The following KDM7A variants were observed in gnomAD, a reference collection of about 807,000 sequenced individuals.
KDM7A encodes lysine-specific demethylase 7A.
Under a neutral mutation model 114.8 loss-of-function variants are expected in KDM7A, and 28 were observed. The ratio of observed to expected loss-of-function variants is 0.24; its 90% CI spans 0.18 to 0.33. The LOEUF (loss-of-function observed/expected upper bound fraction) is 0.33, where lower values mean the gene tolerates loss of function less well. Among genes scored for constraint, KDM7A ranks in the 10% least tolerant of loss-of-function variants. The pLI, the probability that KDM7A is intolerant of heterozygous loss-of-function variation, is 1.00. For missense variants in KDM7A, 942 were observed against 1,142.5 expected (o/e 0.82, Z 2.53); for synonymous variants, 423 against 397.8 (o/e 1.06, Z -0.75).
intron 11 of KDM7A, among the ~76,000 whole-genome samples, chr7:140,103,464 C>CGA (rs1229722476): frequency 1.3e-5 from 2 of 151,754 alleles, no homozygotes; most frequent in Non-Finnish European, 2.9e-5. Context: ...CCTCCCCCCC[C>CGA]CTCCAACCCA....
At chr7:140,116,167 T>C (rs192034579) in intron 9 of KDM7A, among the ~76,000 whole-genome samples, 6 of 152,318 alleles carry the variant, frequency 3.9e-5, no homozygotes, top group Non-Finnish European at 7.4e-5. Context: ...ATTCTTGTAC[T>C]AGGTGACAAA....
intron 17 of KDM7A, among the ~76,000 whole-genome samples, chr7:140,095,296 G>T (rs1818087548): frequency 6.6e-6 from 1 of 152,146 alleles, no homozygotes; most frequent in African/African-American, 2.4e-5. Context: ...TCTTTCAAGG[G>T]ACTAAAGGAA....
chr7:140,163,352 A>T (rs2116851970), intron 1 of KDM7A, among the ~76,000 whole-genome samples: 1 of 151,682 alleles, frequency 6.6e-6, no homozygotes, highest in Non-Finnish European at 1.5e-5. Context: ...CAGTGGCAAG[A>T]TCACACAATC....
In KDM7A at chr7:140,170,700, C is replaced by T. The variant is rs1487244781; in HGVS notation, c.194+6044G>A. On this transcript the variant is annotated intron_variant, in intron 1 of 19. Coordinates refer to ENST00000397560, the MANE Select transcript of KDM7A (RefSeq NM_030647.2). ...AGTGCCTAGCACTTTGTAAAACATT[C>T]GATAAGTGAGATTCGATATTTATCT... Among the ~76,000 whole-genome samples the T allele has an allele frequency of 5.9e-5, 9 of 152,172 alleles. 1 individual carries two copies. The South Asian group carries it at 1.4e-3, about 25-fold the overall frequency.
At chr7:140,128,960 A>T (rs1818748108) in intron 4 of KDM7A, among the ~76,000 whole-genome samples, 1 of 152,218 alleles carries the variant, frequency 6.6e-6, no homozygotes, top group South Asian at 2.1e-4. Flanking sequence ...GAATTTTCAA[A>T]ATCAAAAATT....
chr7:140,107,124 G>A (rs1381240176), intron 11 of KDM7A, among the ~76,000 whole-genome samples: 1 of 152,026 alleles, frequency 6.6e-6, no homozygotes, highest in Admixed American at 6.6e-5. Flanking sequence ...CCACTTGCTT[G>A]GTAGATCTTC....
In KDM7A at chr7:140,088,140, G is replaced by C. The variant is rs1817962169; in HGVS notation, c.*2954C>G. On this transcript the variant is annotated 3_prime_UTR_variant, in exon 20 of 20. Transcript: ENST00000397560. ...TGATAAAGATGGGCTTGTTTCCTCT[G>C]AGTTTATGATTTCAGTCAGAATCTT... 5.4e-6 allele frequency: 1 copy of C among 184,520 alleles called. No individual in the cohort carries two copies. 11.4% of individuals were successfully genotyped at this position (184,520 alleles called of 1,614,324 possible).
intron 1 of KDM7A, among the ~76,000 whole-genome samples, chr7:140,157,990 A>T (rs968457286): frequency 4.4e-5 from 5 of 113,542 alleles, no homozygotes; most frequent in African/African-American, 1.4e-4. Context: ...AAATAAATAA[A>T]TAAATAATAA....
At chr7:140,117,020 G>A (rs1028406358) in intron 9 of KDM7A, among the ~76,000 whole-genome samples, 10 of 152,170 alleles carry the variant, frequency 6.6e-5, no homozygotes, top group African/African-American at 2.2e-4. Context: ...ATAAAAGAAC[G>A]ACATAATTTG....
At chr7:140,133,210 A>G (rs1818817514) in intron 3 of KDM7A, among the ~76,000 whole-genome samples, 1 of 152,252 alleles carries the variant, frequency 6.6e-6, no homozygotes, top group African/African-American at 2.4e-5. Flanking sequence ...GCTGCATATC[A>G]TAAGGAACCA....
Position 140,132,778 on chromosome 7 carries a change from G to A in KDM7A, c.398+761C>T, listed in dbSNP as rs1169487279. On this transcript the variant is annotated intron_variant, in intron 3 of 19. Coordinates refer to ENST00000397560, the MANE Select transcript of KDM7A (RefSeq NM_030647.2). Reference sequence around the variant, plus strand: ...GATTAAGGGGCAGGGGGCTAGAGAGGAATTCTAAAGACTGAGGAGAAATAG... The same window carrying A: ...GATTAAGGGGCAGGGGGCTAGAGAGAAATTCTAAAGACTGAGGAGAAATAG... 3.3e-5 allele frequency among the ~76,000 whole-genome samples: 5 copies of A among 152,126 alleles called. 1 individual carries two copies. The highest frequency in any genetic ancestry group is 7.4e-5 in the Non-Finnish European group (5 of 68,010).
Position 140,127,549 on chromosome 7 carries a change from C to T in KDM7A, c.594G>A (p.Ala198=), listed in dbSNP as rs1261708782. Residue 198 remains alanine (A), a synonymous_variant, in exon 5 of 20, where the codon GCG becomes GCA. Coordinates refer to ENST00000397560, the MANE Select transcript of KDM7A (RefSeq NM_030647.2). ...GDKVIDVIDV[A]RQADSKMTLH... ...GTGTCATTTTGCTGTCTGCCTGCCT[C>T]GCCACATCAATGACATCTATCACTT... 5.0e-6 allele frequency: 8 copies of T among 1,613,830 alleles called. No individual in the cohort carries two copies. Among genetic ancestry groups the T allele is most frequent in the South Asian group, 2.2e-5 (2 of 91,072 alleles).
intron 11 of KDM7A, among the ~76,000 whole-genome samples, chr7:140,105,300 C>T (rs180764364): frequency 6.9e-4 from 105 of 152,290 alleles, no homozygotes; most frequent in African/African-American, 2.5e-3. Flanking sequence ...TGCCTGATTG[C>T]CCTGGCCAGA....
chr7:140,106,785 T>C (rs898412635), intron 11 of KDM7A, among the ~76,000 whole-genome samples: 1 of 152,234 alleles, frequency 6.6e-6, no homozygotes, highest in Admixed American at 6.5e-5. Flanking sequence ...TGGAGAGTTC[T>C]GTAGATGTCT....
At position 140,092,053 on chromosome 7, in the gene KDM7A, T is replaced by C. The variant is rs772993433; in HGVS notation, c.2482A>G (p.Ile828Val). 2 of 1,614,178 alleles carry C rather than the reference T, an allele frequency of 1.2e-6. No individual in the cohort carries two copies. The highest frequency in any genetic ancestry group is 1.1e-5 in the South Asian group (1 of 91,078). Residue 828 changes from isoleucine to valine, a missense_variant, in exon 19 of 20, where the codon ATC becomes GTC. Ile to Val is a conservative substitution (Grantham distance 29, BLOSUM62 3). Transcript: ENST00000397560. ...PQDLSRSQKCIRKEGSSEISQ... is the reference protein window; with the variant it reads ...PQDLSRSQKCVRKEGSSEISQ... ...ATTTCTGATGAACCTTCCTTTCTGA[T>C]GCATTTCTGGCTTCTACTTAGATCC...
intron 6 of KDM7A, among the ~76,000 whole-genome samples, chr7:140,125,416 C>A (rs1442374288): frequency 6.6e-6 from 1 of 152,214 alleles, no homozygotes; most frequent in Non-Finnish European, 1.5e-5. Flanking sequence ...CTACTGAGCA[C>A]TTGAAATGTG....
chr7:140,176,794 C>G lies in KDM7A; in HGVS notation c.144G>C (p.Val48=), dbSNP rs752229855. ...VYCVCRQPYD[V]NRFMIECDIC... is the part of the protein sequence containing the mutation. ...TATCGCACTCGATCATGAAGCGGTT[C>G]ACGTCGTACGGCTGCCGGCACACAC... Residue 48 remains valine, a synonymous_variant, in exon 1 of 20, where the codon GTG becomes GTC. Transcript: ENST00000397560. The surrounding 1 kb of genome is among the most constrained non-coding windows in gnomAD (Gnocchi z 4.4). The G allele has an allele frequency of 7.0e-7, 1 of 1,421,846 alleles. No individual in the cohort carries two copies. Among genetic ancestry groups the G allele is most frequent in the Non-Finnish European group, 9.4e-7 (1 of 1,066,468 alleles). 88.1% of individuals were successfully genotyped at this position (1,421,846 alleles called of 1,614,324 possible).
rs1383215477 is a variant in KDM7A at position 140,176,725 on chromosome 7, C to T, written c.194+19G>A. ...GTGGCCGGCGGTGGCGGCTGCGGGG[C>T]TGGAGGGGGTTTATTTACCTGCCGT... is the stretch of plus-strand genomic sequence containing the variant. On this transcript the variant is annotated intron_variant, in intron 1 of 19. Transcript: ENST00000397560. This position sits in a 1 kb window ranked among gnomAD's most constrained non-coding sequence, Gnocchi z 4.4. The T allele has an allele frequency of 1.6e-6, 2 of 1,286,054 alleles. No individual in the cohort carries two copies. The highest frequency in any genetic ancestry group is 2.0e-6 in the Non-Finnish European group (2 of 987,410). The allele number at this position is 1,286,054 out of a possible 1,614,324, so 79.7% of individuals were successfully genotyped here.
intron 7 of KDM7A, among the ~76,000 whole-genome samples, chr7:140,122,377 T>C (rs764720899): frequency 8.5e-5 from 13 of 152,134 alleles, no homozygotes; most frequent in Non-Finnish European, 1.6e-4. Context: ...TAAATGTCAA[T>C]TTATGATTAT....
Sources: allele counts gnomAD v4.1 joint callset (sites outside exome capture counted in the v4.1 genomes callset), GRCh38; gene constraint gnomAD v4.1.1; non-coding constraint Gnocchi (gnomAD v3.1); transcripts MANE v1.5; gene names NCBI Gene and HGNC (gene_info 2026-07-23, HGNC 2026-07-21).